Variants in NUP37 observed in about 807,000 individuals in gnomAD.
NUP37 encodes the protein nucleoporin 37.
Under a neutral mutation model 45.4 loss-of-function variants are expected in NUP37, and 33 were observed. The observed-to-expected ratio is 0.73, with a 90% CI of 0.55 to 0.97. NUP37 has a LOEUF of 0.97. Ranked by LOEUF, NUP37 falls within the 50% of genes least tolerant of loss-of-function variation. The pLI, the probability that NUP37 is intolerant of heterozygous loss-of-function variation, is 0.00. For synonymous variants in NUP37, 127 were observed against 130.7 expected, an observed-to-expected ratio of 0.97 and a Z score of 0.19; for missense variants, 365 against 389.7, an observed-to-expected ratio of 0.94 and a Z score of 0.53.
At chr12:102,106,861 T>A (rs1052330546) in intron 3 of NUP37, among the ~76,000 whole-genome samples, 6 of 152,172 alleles carry the variant, frequency 3.9e-5, no homozygotes, top group African/African-American at 1.4e-4. Flanking sequence ...AAAACTTGTA[T>A]TTGTCTCCTC....
chr12:102,091,919 G>C (rs1879668782), intron 5 of NUP37, among the ~76,000 whole-genome samples: 1 of 152,074 alleles, frequency 6.6e-6, no homozygotes, highest in African/African-American at 2.4e-5. Flanking sequence ...TTCAGGCCGA[G>C]TGCTTTTCAG....
intron 3 of NUP37, among the ~76,000 whole-genome samples, chr12:102,104,641 A>G (rs1880072760): frequency 6.6e-6 from 1 of 152,042 alleles, no homozygotes; most frequent in South Asian, 2.1e-4. Context: ...CATTTGTGTA[A>G]AGTCCAATTT....
At chr12:102,105,622 C>T (rs1346725593) in intron 3 of NUP37, among the ~76,000 whole-genome samples, 3 of 151,894 alleles carry the variant, frequency 2.0e-5, no homozygotes, top group South Asian at 2.1e-4. Flanking sequence ...CTAGCACTTC[C>T]GGTGGCCAAG....
At chr12:102,087,053 T>C (rs1337119685) in intron 5 of NUP37, among the ~76,000 whole-genome samples, 1 of 152,194 alleles carries the variant, frequency 6.6e-6, no homozygotes, top group Non-Finnish European at 1.5e-5. Context: ...TGTGCCACGT[T>C]TGCACCTCTG....
chr12:102,076,847 A>G lies in NUP37; in HGVS notation c.723T>C (p.Ser241=). The part of the protein sequence containing the change: ...DWLIWDITRS[S]YPQNKRPVHM... The stretch of plus-strand genomic sequence containing the variant: ...GAACAGGTCTCTTATTTTGAGGATA[A>G]CTAAAAGATAATATTTTGCATTTTA... Residue 241 remains serine (S), a splice_region_variant and synonymous_variant, in exon 8 of 10, where the codon AGT becomes AGC. Transcript: ENST00000552283. The G allele has an allele frequency of 6.2e-7, 1 of 1,610,706 alleles. No homozygotes were observed. Among genetic ancestry groups the G allele is most frequent in the African/African-American group, 1.3e-5 (1 of 74,970 alleles).
At chr12:102,077,575 T>C in intron 6 of NUP37, 72 bp from the exon 7 acceptor site, 1 of 1,366,032 alleles carries the variant, frequency 7.3e-7, no homozygotes, top group African/African-American at 1.4e-5. Context: ...TAAGCAGAGA[T>C]TCACTGTTGT....
At chr12:102,095,269 T>C (rs1193224417) in intron 5 of NUP37, among the ~76,000 whole-genome samples, 1 of 152,118 alleles carries the variant, frequency 6.6e-6, no homozygotes, top group Admixed American at 6.5e-5. Flanking sequence ...TTTTTCTAAA[T>C]GAATATGCAC....
chr12:102,089,203 G>A (rs1166520279), intron 5 of NUP37, among the ~76,000 whole-genome samples: 13 of 151,946 alleles, frequency 8.6e-5, no homozygotes, highest in East Asian at 1.9e-4. Flanking sequence ...ATCATGGCCC[G>A]TTCTCGATGG....
chr12:102,084,374 G>A (rs1249580180), intron 6 of NUP37, among the ~76,000 whole-genome samples: 1 of 152,170 alleles, frequency 6.6e-6, no homozygotes, highest in African/African-American at 2.4e-5. Flanking sequence ...TGGCCGGTAC[G>A]GTGGCTCACA....
At chr12:102,078,125 C>T (rs369574065) in intron 6 of NUP37, among the ~76,000 whole-genome samples, 4 of 150,290 alleles carry the variant, frequency 2.7e-5, no homozygotes, top group South Asian at 2.1e-4. Context: ...GTCAGGAGTT[C>T]GAGATCAGCC....
At chr12:102,093,933 G>T (rs533168906) in intron 5 of NUP37, among the ~76,000 whole-genome samples, 29 of 152,192 alleles carry the variant, frequency 1.9e-4, no homozygotes, top group Middle Eastern at 6.8e-3. Flanking sequence ...AAAGAACAAA[G>T]TATCAGCTAC....
chr12:102,102,185 A>AT (rs1460490207), intron 3 of NUP37, among the ~76,000 whole-genome samples: 2 of 152,148 alleles, frequency 1.3e-5, no homozygotes, highest in Non-Finnish European at 2.9e-5. Context: ...ACAAATCTAA[A>AT]TTTATTCTTT....
In NUP37 at chr12:102,118,502, G is replaced by A. The variant is rs1158584975; in HGVS notation, c.17C>T (p.Ser6Leu). The change falls in exon 2 of 10, where the codon TCA becomes TTA. Residue 6 changes from serine (S) to leucine (L), a missense_variant. Physicochemically the swap from Ser to Leu is moderately radical, Grantham distance 145 (BLOSUM62 -2). Coordinates refer to ENST00000552283, the MANE Select transcript of NUP37 (RefSeq NM_024057.4). MKQDA[S>L]RNAAYTVDCE... ...ATCCACAGTGTAGGCAGCATTTCTT[G>A]AGGCATCTTGCTTCATCTTGTATGT... 2 of 1,609,802 alleles carry A rather than the reference G, an allele frequency of 1.2e-6. No individual in the cohort carries two copies. Among genetic ancestry groups the A allele is most frequent in the Non-Finnish European group, 8.5e-7 (1 of 1,179,044 alleles).
At chr12:102,106,803 T>C (rs927850060) in intron 3 of NUP37, among the ~76,000 whole-genome samples, 2 of 152,204 alleles carry the variant, frequency 1.3e-5, no homozygotes, top group Admixed American at 6.5e-5. Flanking sequence ...CTAATGTTCA[T>C]GGTTTGGAGA....
At chr12:102,091,335 T>C (rs1594390136) in intron 5 of NUP37, among the ~76,000 whole-genome samples, 1 of 140,722 alleles carries the variant, frequency 7.1e-6, no homozygotes, top group African/African-American at 2.7e-5. Flanking sequence ...GAGGCGGAGG[T>C]TGCAGTGAGC....
intron 3 of NUP37, among the ~76,000 whole-genome samples, chr12:102,103,405 T>G (rs1880031231): frequency 6.6e-6 from 1 of 152,176 alleles, no homozygotes; most frequent in Non-Finnish European, 1.5e-5. Context: ...GTTAGTATAT[T>G]AGAAAGGTTA....
intron 6 of NUP37, among the ~76,000 whole-genome samples, 165 bp from the exon 7 acceptor site, chr12:102,077,668 T>C (rs1879212903): frequency 6.6e-6 from 1 of 152,206 alleles, no homozygotes. Context: ...CTAAAACTTT[T>C]TGAGTGCTAA....
chr12:102,079,107 T>C (rs1348665829), intron 6 of NUP37: 6 of 430,894 alleles, frequency 1.4e-5, no homozygotes, highest in Non-Finnish European at 2.8e-5. Flanking sequence ...TGAAAAATCC[T>C]TGAGGGTGTA....
intron 2 of NUP37, among the ~76,000 whole-genome samples, chr12:102,115,257 CAG>C (rs960983693): frequency 2.6e-5 from 4 of 152,096 alleles, no homozygotes; most frequent in African/African-American, 9.7e-5. Context: ...GAGGAAGATG[CAG>C]AGAGAACTGT....
Sources: gnomAD v4.1 joint callset for allele counts (sites outside exome capture counted in the v4.1 genomes callset) on GRCh38, gnomAD v4.1.1 for gene constraint, MANE v1.5 for transcripts, NCBI Gene and HGNC (gene_info 2026-07-23, HGNC 2026-07-21) for gene names.